Variants in KSR2 observed in about 807,000 individuals in gnomAD.
The protein encoded by KSR2 is kinase suppressor of ras 2.
Under a neutral mutation model 107.8 loss-of-function variants are expected in KSR2, and 25 were observed. That is an observed-to-expected ratio of 0.23 (90% CI 0.17 to 0.32). The LOEUF (loss-of-function observed/expected upper bound fraction) is 0.32. KSR2 is among the 10% of genes least tolerant of loss of function. KSR2 has a pLI of 1.00. For synonymous variants in KSR2, 480 were observed against 507.0 expected (o/e 0.95, Z 0.71); for missense variants, 887 against 1,268.9 (o/e 0.70, Z 4.57).
At position 117,966,032 on chromosome 12, in the gene KSR2, CTGG is replaced by C. The variant is rs1896777203; in HGVS notation, c.180+2041_180+2043del. Among the ~76,000 whole-genome samples, 4 of 152,146 alleles carry C rather than the reference CTGG, an allele frequency of 2.6e-5. No homozygotes were observed. The South Asian group carries it at 8.3e-4, about 32-fold the overall frequency. On this transcript the variant is annotated intron_variant, in intron 1 of 19. Transcript: ENST00000339824. ...AAGTGGTTGCATGCTCTGTAGCATA[CTGG>C]GACAAGGGAACTGAAAACAGATGCA...
At chr12:117,789,331 G>A (rs1477700313) in intron 3 of KSR2, among the ~76,000 whole-genome samples, 1 of 152,188 alleles carries the variant, frequency 6.6e-6, no homozygotes, top group Non-Finnish European at 1.5e-5. Flanking sequence ...GACCCAGGTG[G>A]CGTTATTAGG....
At chr12:117,945,737 G>A (rs1896162697) in intron 1 of KSR2, among the ~76,000 whole-genome samples, 1 of 152,092 alleles carries the variant, frequency 6.6e-6, no homozygotes, top group South Asian at 2.1e-4. Flanking sequence ...TCAGCAAGAT[G>A]GCTAACTAAA....
At chr12:117,920,775 C>T (rs1017291900) in intron 1 of KSR2, among the ~76,000 whole-genome samples, 14 of 152,166 alleles carry the variant, frequency 9.2e-5, no homozygotes, top group African/African-American at 1.7e-4. Context: ...TGGCTGCCCA[C>T]GCTACACAAC....
At chr12:117,830,700 G>A (rs1047016571) in intron 3 of KSR2, among the ~76,000 whole-genome samples, 5 of 152,098 alleles carry the variant, frequency 3.3e-5, no homozygotes, top group African/African-American at 1.2e-4. Context: ...CAGACGTGGG[G>A]AGAAACAAAT....
chr12:117,664,877 T>C (rs957859956), intron 5 of KSR2, among the ~76,000 whole-genome samples: 1 of 152,038 alleles, frequency 6.6e-6, no homozygotes, highest in Non-Finnish European at 1.5e-5. Flanking sequence ...ACTGAAATAG[T>C]GCAGCTGACA....
chr12:117,951,761 T>C (rs1358122451), intron 1 of KSR2, among the ~76,000 whole-genome samples: 1 of 152,168 alleles, frequency 6.6e-6, no homozygotes, highest in East Asian at 1.9e-4. Flanking sequence ...GGGACTGGCC[T>C]CATTCCCTCT....
intron 3 of KSR2, among the ~76,000 whole-genome samples, chr12:117,792,381 A>C (rs1890282844): frequency 6.6e-6 from 1 of 151,950 alleles, no homozygotes; most frequent in Non-Finnish European, 1.5e-5. Flanking sequence ...GAAGAATTGC[A>C]GTTCTGGAGT....
chr12:117,522,022 A>G (rs1392219935), intron 14 of KSR2, among the ~76,000 whole-genome samples: 1 of 152,168 alleles, frequency 6.6e-6, no homozygotes, highest in African/African-American at 2.4e-5. Context: ...CACACAAAAT[A>G]CCAAAACACT....
At chr12:117,552,593 T>C (rs1246395003) in intron 9 of KSR2, among the ~76,000 whole-genome samples, 2 of 152,200 alleles carry the variant, frequency 1.3e-5, no homozygotes, top group African/African-American at 4.8e-5. Context: ...AGTTGACATC[T>C]CTGCTGAACC....
intron 5 of KSR2, among the ~76,000 whole-genome samples, chr12:117,597,065 G>A (rs1481863071): frequency 4.6e-5 from 7 of 152,040 alleles, no homozygotes; most frequent in Non-Finnish European, 7.3e-5. Context: ...TATCTCCCGT[G>A]CAAGGGCATG....
intron 3 of KSR2, among the ~76,000 whole-genome samples, chr12:117,832,911 G>A (rs1259888127): frequency 6.6e-6 from 1 of 152,232 alleles, no homozygotes; most frequent in African/African-American, 2.4e-5. Flanking sequence ...AAGTCCACGG[G>A]CTTTCAGACA....
chr12:117,946,815 A>G (rs555022851), intron 1 of KSR2, among the ~76,000 whole-genome samples: 44 of 152,292 alleles, frequency 2.9e-4, no homozygotes, highest in Non-Finnish European at 4.9e-4. Context: ...TGGTTCAAAA[A>G]TTCTACATCA....
chr12:117,882,610 C>T (rs1164522648), intron 1 of KSR2, among the ~76,000 whole-genome samples: 3 of 151,272 alleles, frequency 2.0e-5, no homozygotes, highest in Non-Finnish European at 4.4e-5. Context: ...TCCATCCATC[C>T]TTCCATCTAT....
intron 3 of KSR2, among the ~76,000 whole-genome samples, chr12:117,806,274 T>C (rs1295011538): frequency 6.6e-6 from 1 of 152,116 alleles, no homozygotes; most frequent in Non-Finnish European, 1.5e-5. Flanking sequence ...AAGTTAGAAT[T>C]ACCCAGGATG....
At chr12:117,606,810 TCCTCTCTCTC>T (rs1248877174) in intron 5 of KSR2, among the ~76,000 whole-genome samples, 1 of 150,816 alleles carries the variant, frequency 6.6e-6, no homozygotes, top group East Asian at 2.0e-4. Context: ...CCTTCCTTTC[TCCTCTCTCTC>T]CCTCTCTCCC....
At position 117,710,498 on chromosome 12, in the gene KSR2, C is replaced by T. The variant is rs572556620; in HGVS notation, c.987-42840G>A. ...TATACTGGATCCTTTGGCAGAGGAG[C>T]GTGATGTTGGAGCAGAGGGTAAACA... On this transcript the variant is annotated intron_variant, in intron 4 of 19. Transcript: ENST00000339824. Among the ~76,000 whole-genome samples, 9 of 152,108 alleles carry T rather than the reference C, an allele frequency of 5.9e-5. No homozygotes were observed. In the East Asian group the frequency reaches 7.7e-4, roughly 13 times the overall value.
intron 16 of KSR2, among the ~76,000 whole-genome samples, chr12:117,481,980 G>A (rs1872201623): frequency 6.6e-6 from 1 of 152,136 alleles, no homozygotes; most frequent in Admixed American, 6.5e-5. Context: ...GAGCTACACT[G>A]GTGGTATTCA....
In KSR2 at chr12:117,968,323, G is replaced by C; in HGVS notation, c.-68C>G. 1 of 1,439,546 alleles carries C rather than the reference G, an allele frequency of 6.9e-7. No individual in the cohort carries two copies. Among genetic ancestry groups the C allele is most frequent in the Non-Finnish European group, 9.1e-7 (1 of 1,104,872 alleles). 89.2% of individuals were successfully genotyped at this position (1,439,546 alleles called of 1,614,324 possible). A position where few individuals can be genotyped will look rare whatever the true frequency, so the allele number is the denominator to read the frequency against. On this transcript the variant is annotated 5_prime_UTR_variant, in exon 1 of 20. Coordinates refer to ENST00000339824, the MANE Select transcript of KSR2 (RefSeq NM_173598.6). ...AGAAAAAAGAGGGGGGGGAGTAGAGGTAGTCTACCCTCCGCCTCTCCAACC... is the reference window on the plus strand; with the variant it reads ...AGAAAAAAGAGGGGGGGGAGTAGAGCTAGTCTACCCTCCGCCTCTCCAACC...
intron 4 of KSR2, among the ~76,000 whole-genome samples, chr12:117,711,787 G>C (rs1886793330): frequency 6.6e-6 from 1 of 152,146 alleles, no homozygotes; most frequent in Admixed American, 6.5e-5. Context: ...GATGCCCTTA[G>C]CTCTCTGCTA....
Sources: allele counts gnomAD v4.1 joint callset (sites outside exome capture counted in the v4.1 genomes callset), GRCh38; gene constraint gnomAD v4.1.1; transcripts MANE v1.5; gene names NCBI Gene and HGNC (gene_info 2026-07-23, HGNC 2026-07-21).